The following S1PR3 variants were observed in gnomAD, a reference collection of about 807,000 sequenced individuals.
S1PR3 encodes the protein sphingosine 1-phosphate receptor 3.
In S1PR3, 12 loss-of-function variants were observed where a neutral mutation model predicts 13.3. The observed-to-expected ratio is 0.90, with a 90% CI of 0.58 to 1.46. The LOEUF (loss-of-function observed/expected upper bound fraction) is 1.46, where lower values mean the gene tolerates loss of function less well. Among genes scored for constraint, S1PR3 ranks in the 40% most tolerant of loss-of-function variants. The probability of loss-of-function intolerance (pLI) is 0.00; values close to 1 mark genes in which losing one functional copy is unlikely to be tolerated. For missense variants in S1PR3, 450 were observed against 501.9 expected, an observed-to-expected ratio of 0.90 and a Z score of 0.99; for synonymous variants, 232 against 214.0, an observed-to-expected ratio of 1.08 and a Z score of -0.73.
In S1PR3 at chr9:89,001,716, C is replaced by T; in HGVS notation, c.516C>T (p.Pro172=). Residue 172 remains proline (P), a synonymous_variant, in exon 2 of 2, where the codon CCC becomes CCT. Transcript: ENST00000358157. ...TTGCCTTCACGCTGGGCGCCCTGCC[C>T]ATTCTGGGCTGGAACTGCCTGCACA... The part of the protein sequence containing the change: ...WLIAFTLGAL[P]ILGWNCLHNL... 6.2e-7 allele frequency: 1 copy of T among 1,614,234 alleles called. No homozygotes were observed. Among genetic ancestry groups the T allele is most frequent in the South Asian group, 1.1e-5 (1 of 91,088 alleles).
chr9:89,001,284 G>A lies in S1PR3; in HGVS notation c.84G>A (p.Leu28=). ...LREHYQYVGK[L]AGRLKEASEG... is the part of the protein sequence containing the mutation. The stretch of plus-strand genomic sequence containing the variant: ...AGCATTACCAGTACGTGGGGAAGTT[G>A]GCGGGCAGGCTGAAGGAGGCCTCCG... Residue 28 remains leucine, a synonymous_variant, in exon 2 of 2, where the codon TTG becomes TTA. Coordinates refer to ENST00000358157, the MANE Select transcript of S1PR3 (RefSeq NM_005226.4). 2 of 1,614,192 alleles carry A rather than the reference G, an allele frequency of 1.2e-6. No homozygotes were observed. The highest frequency in any genetic ancestry group is 1.1e-5 in the South Asian group (1 of 91,072).
chr9:88,991,263 C>T, upstream of S1PR3: 1 of 1,547,650 alleles, frequency 6.5e-7, no homozygotes, highest in Admixed American at 2.0e-5. This position sits in a 1 kb window ranked among gnomAD's most constrained non-coding sequence, Gnocchi z 4.0. Flanking sequence ...GAGAAGGGGT[C>T]CAGGCTAGGG....
Position 88,991,674 on chromosome 9 carries a change from C to T in S1PR3, c.-169C>T. On this transcript the variant is annotated 5_prime_UTR_variant, in exon 1 of 2. Coordinates refer to ENST00000358157, the MANE Select transcript of S1PR3 (RefSeq NM_005226.4). The surrounding 1 kb of genome is among the most constrained non-coding windows in gnomAD (Gnocchi z 4.0). ...GCCACCCGCTAGGATGCCGGTGGCC[C>T]CAGCGCCCTCAGCCGACGGAGGTGA... The T allele has an allele frequency of 6.6e-7, 1 of 1,518,902 alleles. No homozygotes were observed. Among genetic ancestry groups the T allele is most frequent in the Middle Eastern group, 1.9e-4 (1 of 5,254 alleles). The allele number at this position is 1,518,902 out of a possible 1,614,324, so 94.1% of individuals were successfully genotyped here. A position where few individuals can be genotyped will look rare whatever the true frequency, so the allele number is the denominator to read the frequency against.
chr9:88,991,572 G>T lies in S1PR3; in HGVS notation c.-271G>T, dbSNP rs1217777022. 41 of 1,544,878 alleles carry T rather than the reference G, an allele frequency of 2.7e-5. No individual in the cohort carries two copies. Among genetic ancestry groups the T allele is most frequent in the Non-Finnish European group, 2.6e-6 (3 of 1,145,284 alleles). On this transcript the variant is annotated 5_prime_UTR_variant, in exon 1 of 2. Coordinates refer to ENST00000358157, the MANE Select transcript of S1PR3 (RefSeq NM_005226.4). This position sits in a 1 kb window ranked among gnomAD's most constrained non-coding sequence, Gnocchi z 4.0. ...GGACCCCAGGCCCGGGAACGACGTCGCGAGCGCTGAGACTGCCGGGCCTCC... is the reference window on the plus strand; with the variant it reads ...GGACCCCAGGCCCGGGAACGACGTCTCGAGCGCTGAGACTGCCGGGCCTCC...
At chr9:88,995,712 A>G (rs1217343740) in intron 1 of S1PR3, 2 of 167,092 alleles carry the variant, frequency 1.2e-5, no homozygotes, top group Admixed American at 6.5e-5. Context: ...CTCTCAGTAA[A>G]CATGAAAAGA....
Position 89,002,460 on chromosome 9 carries a change from T to A in S1PR3, c.*123T>A. The A allele has an allele frequency of 8.5e-7, 1 of 1,180,904 alleles. No homozygotes were observed. The highest frequency in any genetic ancestry group is 1.2e-6 in the Non-Finnish European group (1 of 839,934). The allele number at this position is 1,180,904 out of a possible 1,614,324, so 73.2% of individuals were successfully genotyped here. A position where few individuals can be genotyped will look rare whatever the true frequency, so the allele number is the denominator to read the frequency against. The stretch of plus-strand genomic sequence containing the variant: ...TTACTTTGACCAACAGCCTGCCCAG[T>A]GTGGATGTCTCTTACAGAGGGGGCC... On this transcript the variant is annotated 3_prime_UTR_variant, in exon 2 of 2. Transcript: ENST00000358157.
At chr9:89,000,886 A>C in intron 1 of S1PR3, 168 bp from the exon 2 acceptor site, 1 of 371,640 alleles carries the variant, frequency 2.7e-6, no homozygotes, top group South Asian at 3.5e-5. Context: ...GGTGTCCCCC[A>C]ATCACTTAGG....
chr9:89,001,801 A>G lies in S1PR3; in HGVS notation c.601A>G (p.Ile201Val), dbSNP rs762003603. 1.9e-6 allele frequency: 3 copies of G among 1,614,198 alleles called. No individual in the cohort carries two copies. In the East Asian group the frequency reaches 6.7e-5, roughly 36 times the overall value. ...LYSKKYIAFC[I>V]SIFTAILVTI... is the part of the protein sequence containing the mutation. ...CTCCAAGAAGTACATTGCCTTCTGC[A>G]TCAGCATCTTCACGGCCATCCTGGT... Residue 201 changes from isoleucine (I) to valine (V), a missense_variant, in exon 2 of 2, where the codon ATC becomes GTC. Coordinates refer to ENST00000358157, the MANE Select transcript of S1PR3 (RefSeq NM_005226.4).
At chr9:88,996,779 G>T (rs1243573545) in intron 1 of S1PR3, 1 of 152,332 alleles carries the variant, frequency 6.6e-6, no homozygotes, top group African/African-American at 2.4e-5. Flanking sequence ...CTCCTGCCGT[G>T]CCTGGCAGTG....
chr9:88,991,678 C>A lies in S1PR3; in HGVS notation c.-165C>A, dbSNP rs868398330. On this transcript the variant is annotated 5_prime_UTR_variant, in exon 1 of 2. Transcript: ENST00000358157. The surrounding 1 kb of genome is among the most constrained non-coding windows in gnomAD (Gnocchi z 4.0). ...CCCGCTAGGATGCCGGTGGCCCCAG[C>A]GCCCTCAGCCGACGGAGGTGAGAGG... 2.0e-6 allele frequency: 3 copies of A among 1,515,242 alleles called. No individual in the cohort carries two copies. Among genetic ancestry groups the A allele is most frequent in the African/African-American group, 1.4e-5 (1 of 70,648 alleles). 93.9% of individuals were successfully genotyped at this position (1,515,242 alleles called of 1,614,324 possible). A position where few individuals can be genotyped will look rare whatever the true frequency, so the allele number is the denominator to read the frequency against.
At position 88,991,940 on chromosome 9, in the gene S1PR3, GA is replaced by G. The variant is rs1322895627; in HGVS notation, c.-148+246del. 6.2e-7 allele frequency: 1 copy of G among 1,614,266 alleles called. No homozygotes were observed. Among genetic ancestry groups the G allele is most frequent in the Non-Finnish European group, 8.5e-7 (1 of 1,180,048 alleles). On this transcript the variant is annotated intron_variant, in intron 1 of 1. Transcript: ENST00000358157. This position sits in a 1 kb window ranked among gnomAD's most constrained non-coding sequence, Gnocchi z 4.0. Reference sequence around the variant, plus strand: ...AGCTGAATACCTGGATGAAAGTGGAGAGGCTGTTCGTGGAGAAGTTCCATCA... The same window carrying G: ...AGCTGAATACCTGGATGAAAGTGGAGGGCTGTTCGTGGAGAAGTTCCATCA...
At chr9:88,991,423 C>T (rs1587662400), upstream of S1PR3, 2 of 1,532,916 alleles carry the variant, frequency 1.3e-6, no homozygotes, top group East Asian at 2.5e-5. The surrounding 1 kb of genome is among the most constrained non-coding windows in gnomAD (Gnocchi z 4.0). Context: ...GCGGGTCCCG[C>T]CCCGGCGGGC....
rs753129196 is a variant in S1PR3, at chr9:89,002,131, C to G, written c.931C>G (p.Arg311Gly). 91 of 1,613,668 alleles carry G rather than the reference C, an allele frequency of 5.6e-5. No homozygotes were observed. Among genetic ancestry groups the G allele is most frequent in the Non-Finnish European group, 7.5e-5 (88 of 1,180,040 alleles). Residue 311 changes from arginine to glycine, a missense_variant, in exon 2 of 2, where the codon CGT (arginine) becomes GGT (glycine). By Grantham distance (125) the Arg-to-Gly change is moderately radical. Coordinates refer to ENST00000358157, the MANE Select transcript of S1PR3 (RefSeq NM_005226.4). ...CAAGGAGATGCGGCGGGCCTTCTTCCGTCTGGTCTGCAACTGCCTGGTCAG... is the reference window on the plus strand; with the variant it reads ...CAAGGAGATGCGGCGGGCCTTCTTCGGTCTGGTCTGCAACTGCCTGGTCAG... ...ASKEMRRAFF[R>G]LVCNCLVRGR...
Position 89,001,846 on chromosome 9 carries a change from G to A in S1PR3, c.646G>A (p.Ala216Thr), listed in dbSNP as rs767086639. ...AILVTIVILYARIYFLVKSSS... is the reference protein window; with the variant it reads ...AILVTIVILYTRIYFLVKSSS... ...CCTGGTGACCATCGTGATCCTCTAC[G>A]CACGCATCTACTTCCTGGTGAAGTC... Residue 216 changes from alanine to threonine, a missense_variant, in exon 2 of 2, where the codon GCA (alanine) becomes ACA (threonine). By Grantham distance (58) the Ala-to-Thr change is moderately conservative. Coordinates refer to ENST00000358157, the MANE Select transcript of S1PR3 (RefSeq NM_005226.4). 1.8e-5 allele frequency: 29 copies of A among 1,614,058 alleles called. No homozygotes were observed. Among genetic ancestry groups the A allele is most frequent in the South Asian group, 9.9e-5 (9 of 91,092 alleles).
At chr9:88,998,792 T>C (rs1825835345) in intron 1 of S1PR3, 1 of 152,152 alleles carries the variant, frequency 6.6e-6, no homozygotes, top group East Asian at 1.9e-4. Flanking sequence ...ATGGGCAAGA[T>C]TTAAATAAAA....
At chr9:88,991,148 C>T (rs946942025), upstream of S1PR3, 10 of 1,610,302 alleles carry the variant, frequency 6.2e-6, 1 homozygote, top group Admixed American at 1.7e-5. The surrounding 1 kb of genome is among the most constrained non-coding windows in gnomAD (Gnocchi z 4.0). Context: ...TCTGGGCGCC[C>T]GGTTTCTGCA....
chr9:89,001,974 A>G lies in S1PR3; in HGVS notation c.774A>G (p.Pro258=), dbSNP rs1006996369. ...GCGTGTTCATCGCCTGCTGGTCCCC[A>G]CTCTTCATCCTCTTCCTCATTGATG... ...VVSVFIACWS[P]LFILFLIDVA... Residue 258 remains proline (P), a synonymous_variant, in exon 2 of 2, where the codon CCA becomes CCG. Coordinates refer to ENST00000358157, the MANE Select transcript of S1PR3 (RefSeq NM_005226.4). 2.5e-6 allele frequency: 4 copies of G among 1,613,488 alleles called. No individual in the cohort carries two copies. The highest frequency in any genetic ancestry group is 2.7e-5 in the African/African-American group (2 of 74,718).
At chr9:88,996,659 G>C (rs1425274547) in intron 1 of S1PR3, 2 of 152,930 alleles carry the variant, frequency 1.3e-5, no homozygotes, top group Non-Finnish European at 2.9e-5. Context: ...CACAAGGAAG[G>C]CTGCAGGGTC....
Position 89,002,041 on chromosome 9 carries a change from C to G in S1PR3, c.841C>G (p.Gln281Glu). 1 of 1,614,098 alleles carries G rather than the reference C, an allele frequency of 6.2e-7. No homozygotes were observed. The change falls in exon 2 of 2, where the codon CAG becomes GAG. Residue 281 changes from glutamine (Q) to glutamate (E), a missense_variant. Coordinates refer to ENST00000358157, the MANE Select transcript of S1PR3 (RefSeq NM_005226.4). Reference protein sequence around the residue: ...VQACPILFKAQWFIVLAVLNS... With the variant: ...VQACPILFKAEWFIVLAVLNS... ...GGCGTGCCCCATCCTCTTCAAGGCTCAGTGGTTCATCGTGTTGGCTGTGCT... is the reference window on the plus strand; with the variant it reads ...GGCGTGCCCCATCCTCTTCAAGGCTGAGTGGTTCATCGTGTTGGCTGTGCT...
Sources: gnomAD v4.1 joint callset for allele counts on GRCh38, gnomAD v4.1.1 for gene constraint, Gnocchi (gnomAD v3.1) non-coding constraint, MANE v1.5 for transcripts, NCBI Gene and HGNC (gene_info 2026-07-23, HGNC 2026-07-21) for gene names.